NNMT: variants seen among roughly 807,000 people sequenced by gnomAD.
The protein encoded by NNMT is nicotinamide N-methyltransferase.
NNMT carries 10 observed loss-of-function variants against 11.7 expected under a neutral mutation model. That is an observed-to-expected ratio of 0.85 (90% confidence interval 0.53 to 1.45). The LOEUF is 1.45. NNMT is among the 40% of genes most tolerant of loss of function. The probability of loss-of-function intolerance (pLI) is 0.00; values close to 1 mark genes in which losing one functional copy is unlikely to be tolerated. For synonymous variants in NNMT, 143 were observed against 133.8 expected (o/e 1.07, Z -0.48); for missense variants, 381 against 319.4 (o/e 1.19, Z -1.47).
chr11:114,297,404 A>G (rs1945392231), intron 1 of NNMT: 1 of 151,550 alleles, frequency 6.6e-6, no homozygotes, highest in South Asian at 2.1e-4. Flanking sequence ...TTCAAGTGAG[A>G]CATTTTTAGT....
chr11:114,288,052 G>A (rs1445003004), intron 2 of NNMT, among the ~76,000 whole-genome samples: 2 of 152,102 alleles, frequency 1.3e-5, no homozygotes, highest in African/African-American at 4.8e-5. Flanking sequence ...GATTAGAAAT[G>A]AATTTAATTT....
chr11:114,265,929 A>G (rs1210969325), intron 2 of NNMT, among the ~76,000 whole-genome samples: 4 of 152,114 alleles, frequency 2.6e-5, no homozygotes, highest in African/African-American at 9.7e-5. Context: ...TTGGGTGGGA[A>G]AAGCAACACC....
chr11:114,278,193 A>G (rs566741510), intron 2 of NNMT, among the ~76,000 whole-genome samples: 7 of 152,274 alleles, frequency 4.6e-5, no homozygotes, highest in African/African-American at 1.4e-4. Flanking sequence ...TCATGGCGGA[A>G]GGCAAGGGAG....
At chr11:114,260,243 A>G (rs1264709951) in intron 1 of NNMT, among the ~76,000 whole-genome samples, 3 of 152,198 alleles carry the variant, frequency 2.0e-5, no homozygotes, top group Non-Finnish European at 4.4e-5. Context: ...CATGCTGTCC[A>G]TCGCGGAGAT....
intron 2 of NNMT, among the ~76,000 whole-genome samples, chr11:114,275,850 AT>A (rs1945209512): frequency 1.3e-5 from 2 of 152,138 alleles, no homozygotes; most frequent in Admixed American, 1.3e-4. Flanking sequence ...GGGTTAGAAT[AT>A]TCTGTTATCC....
At chr11:114,259,054 C>G (rs1438130477) in intron 1 of NNMT, among the ~76,000 whole-genome samples, 1 of 152,234 alleles carries the variant, frequency 6.6e-6, no homozygotes, top group Non-Finnish European at 1.5e-5. Context: ...TCACCTGTTT[C>G]CTTAACTGTC....
At chr11:114,298,851 C>T (rs1945410155) in intron 2 of NNMT, among the ~76,000 whole-genome samples, 1 of 152,148 alleles carries the variant, frequency 6.6e-6, no homozygotes. Context: ...TTGGCAATAG[C>T]CTATTAGCCA....
At chr11:114,294,627 A>G (rs2444988), upstream of NNMT, among the ~76,000 whole-genome samples, 145,986 of 152,214 alleles carry the variant, frequency 0.96, 70,317 homozygotes, top group Middle Eastern at 1. Context: ...AAAAATAAGT[A>G]CTTGAAGTGG....
At chr11:114,286,683 T>C (rs569802548) in intron 2 of NNMT, among the ~76,000 whole-genome samples, 107 of 152,336 alleles carry the variant, frequency 7.0e-4, no homozygotes, top group Middle Eastern at 3.4e-3. Flanking sequence ...CAATTTATTC[T>C]ACCATTGTTG....
intron 2 of NNMT, among the ~76,000 whole-genome samples, chr11:114,271,876 C>T (rs61904710): frequency 1.6e-3 from 239 of 151,992 alleles, no homozygotes; most frequent in Non-Finnish European, 2.7e-3. Context: ...GAAGAGAGTG[C>T]AGTACAGTGG....
At chr11:114,305,455 C>G (rs932263823) in intron 2 of NNMT, among the ~76,000 whole-genome samples, 1 of 151,614 alleles carries the variant, frequency 6.6e-6, no homozygotes, top group Non-Finnish European at 1.5e-5. Flanking sequence ...CCCATTAACT[C>G]GTCATTTACA....
chr11:114,271,737 G>A (rs80009550), intron 2 of NNMT, among the ~76,000 whole-genome samples: 3,710 of 152,222 alleles, frequency 0.024, 133 homozygotes, highest in African/African-American at 0.082. Context: ...TGTTGTGTTC[G>A]GGAGCTGAAA....
chr11:114,260,895 C>T (rs1461131021), intron 1 of NNMT, among the ~76,000 whole-genome samples: 3 of 152,214 alleles, frequency 2.0e-5, no homozygotes, highest in Non-Finnish European at 4.4e-5. Context: ...CTGTGCACCG[C>T]GTGACCTTCA....
Position 114,312,280 on chromosome 11 carries a change from A to C in NNMT, c.598A>C (p.Lys200Gln). The change falls in exon 3 of 3, where the codon AAG becomes CAG. Residue 200 changes from lysine (K) to glutamine (Q), a missense_variant. Coordinates refer to ENST00000299964, the MANE Select transcript of NNMT (RefSeq NM_006169.3). Reference sequence around the variant, plus strand: ...CTTCCTGGTGATCATGGATGCGCTCAAGAGCAGCTACTACATGATTGGTGA... The same window carrying C: ...CTTCCTGGTGATCATGGATGCGCTCCAGAGCAGCTACTACATGATTGGTGA... ...GGFLVIMDAL[K>Q]SSYYMIGEQK... 1 of 1,614,244 alleles carries C rather than the reference A, an allele frequency of 6.2e-7. No individual in the cohort carries two copies. The highest frequency in any genetic ancestry group is 8.5e-7 in the Non-Finnish European group (1 of 1,180,034).
intron 2 of NNMT, among the ~76,000 whole-genome samples, chr11:114,302,691 A>T (rs1224269988): frequency 1.3e-5 from 2 of 152,190 alleles, no homozygotes; most frequent in Admixed American, 1.3e-4. Flanking sequence ...CAATGTATAT[A>T]ACAATATATA....
At chr11:114,304,030 T>A (rs1325916979) in intron 2 of NNMT, among the ~76,000 whole-genome samples, 5 of 152,228 alleles carry the variant, frequency 3.3e-5, no homozygotes, top group Admixed American at 3.3e-4. Context: ...AATAATTTCA[T>A]ACACCTTTTT....
intron 2 of NNMT, chr11:114,269,589 C>G (rs1394875211): frequency 6.6e-6 from 1 of 152,186 alleles, no homozygotes; most frequent in Non-Finnish European, 1.5e-5. Context: ...CTTGCCTTTC[C>G]TCCACTGTCA....
upstream of NNMT, among the ~76,000 whole-genome samples, chr11:114,293,393 C>A (rs565063690): frequency 1.3e-5 from 2 of 152,190 alleles, no homozygotes; most frequent in South Asian, 4.1e-4. Flanking sequence ...AATGACTGAT[C>A]TAAGTTCAAG....
chr11:114,301,653 A>G (rs1247402499), intron 2 of NNMT, among the ~76,000 whole-genome samples: 2 of 151,988 alleles, frequency 1.3e-5, no homozygotes, highest in African/African-American at 2.4e-5. Context: ...GATTTTTTAG[A>G]GCAGTGAGAC....
Sources: allele counts gnomAD v4.1 joint callset (sites outside exome capture counted in the v4.1 genomes callset), GRCh38; gene constraint gnomAD v4.1.1; transcripts MANE v1.5; gene names NCBI Gene and HGNC (gene_info 2026-07-23, HGNC 2026-07-21).